Variants in ELOC observed in about 807,000 individuals in gnomAD.
ELOC encodes the protein elongin C.
For missense variants in ELOC, 38 were observed against 139.0 expected (o/e 0.27, Z 3.65); for synonymous variants, 40 against 51.3 (o/e 0.78, Z 0.94).
chr8:73,951,681 A>AAAC (rs1554594050), intron 3 of ELOC, among the ~76,000 whole-genome samples: 1 of 145,808 alleles, frequency 6.9e-6, no homozygotes, highest in African/African-American at 2.5e-5. Flanking sequence ...AACAACAACA[A>AAAC]AACAACAGAC....
chr8:73,960,073 C>CA (rs1249516606), intron 1 of ELOC, among the ~76,000 whole-genome samples: 1 of 152,080 alleles, frequency 6.6e-6, no homozygotes, highest in Non-Finnish European at 1.5e-5. Flanking sequence ...AACATATAAT[C>CA]ATTATAAATT....
intron 3 of ELOC, among the ~76,000 whole-genome samples, chr8:73,952,632 T>A (rs528725564): frequency 6.7e-6 from 1 of 150,030 alleles, no homozygotes; most frequent in Non-Finnish European, 1.5e-5. Context: ...TACAAAAAAA[T>A]TAGCTGGGTG....
chr8:73,958,141 G>A lies in ELOC; in HGVS notation c.4+1624C>T, dbSNP rs1237436804. Among the ~76,000 whole-genome samples, 2 of 149,178 alleles carry A rather than the reference G, an allele frequency of 1.3e-5. 1 individual carries two copies. The highest frequency in any genetic ancestry group is 1.3e-4 in the Admixed American group (2 of 14,862). On this transcript the variant is annotated intron_variant, in intron 2 of 3. Transcript: ENST00000520242. Reference sequence around the variant, plus strand: ...GACAGGGCCTTGCTCTGTTACCCAGGCTGGAGTGCAGTGGCGCAATCATGG... The same window carrying A: ...GACAGGGCCTTGCTCTGTTACCCAGACTGGAGTGCAGTGGCGCAATCATGG...
At chr8:73,950,597 T>C (rs1165800474) in intron 3 of ELOC, among the ~76,000 whole-genome samples, 1 of 152,146 alleles carries the variant, frequency 6.6e-6, no homozygotes, top group Non-Finnish European at 1.5e-5. Context: ...GAATGCTAAA[T>C]CATAGTGGGG....
rs1160708389 is a variant in ELOC, at chr8:73,946,127, CAT to C, written c.*501_*502del. On this transcript the variant is annotated 3_prime_UTR_variant, in exon 4 of 4. Transcript: ENST00000520242. ...AAGAATACTGCAGTTTATCAAAAGA[CAT>C]AAGAAATTTCAACTCATACTTGGAG... 2 of 152,188 alleles carry C rather than the reference CAT, an allele frequency of 1.3e-5. No homozygotes were observed. Among genetic ancestry groups the C allele is most frequent in the Non-Finnish European group, 2.9e-5 (2 of 68,082 alleles). 9.4% of individuals were successfully genotyped at this position (152,188 alleles called of 1,614,324 possible).
intron 3 of ELOC, among the ~76,000 whole-genome samples, chr8:73,949,132 C>A (rs556627840): frequency 1.3e-5 from 2 of 152,308 alleles, no homozygotes; most frequent in East Asian, 3.9e-4. Context: ...AAAGGCATTT[C>A]ACATCTACAA....
rs1185373389 is a variant in ELOC, at chr8:73,946,100, T to TA, written c.*529dup. 4 of 152,302 alleles carry TA rather than the reference T, an allele frequency of 2.6e-5. No homozygotes were observed. The highest frequency in any genetic ancestry group is 2.1e-4 in the South Asian group (1 of 4,816). 9.4% of individuals were successfully genotyped at this position (152,302 alleles called of 1,614,324 possible). A position where few individuals can be genotyped will look rare whatever the true frequency, so the allele number is the denominator to read the frequency against. ...AATAAACAAAAGGACAAAGTACACT[T>TA]AAAGAATACTGCAGTTTATCAAAAG... is the stretch of plus-strand genomic sequence containing the variant. On this transcript the variant is annotated 3_prime_UTR_variant, in exon 4 of 4. Coordinates refer to ENST00000520242, the MANE Select transcript of ELOC (RefSeq NM_005648.4).
At chr8:73,956,334 G>A (rs1446214307) in intron 2 of ELOC, among the ~76,000 whole-genome samples, 4 of 152,104 alleles carry the variant, frequency 2.6e-5, no homozygotes, top group Non-Finnish European at 4.4e-5. Context: ...GCAGTGAGCC[G>A]AGATCACGCC....
Position 73,946,593 on chromosome 8 carries a change from C to T in ELOC, c.*37G>A. On this transcript the variant is annotated 3_prime_UTR_variant, in exon 4 of 4. Transcript: ENST00000520242. ...CTAACTGAACTACAGGTATTAAATA[C>T]TGAAAAGAGTTAACAGTTTATTATA... 1.4e-6 allele frequency: 2 copies of T among 1,476,250 alleles called. No individual in the cohort carries two copies. The highest frequency in any genetic ancestry group is 1.8e-6 in the Non-Finnish European group (2 of 1,101,880). The allele number at this position is 1,476,250 out of a possible 1,614,324, so 91.4% of individuals were successfully genotyped here. A position where few individuals can be genotyped will look rare whatever the true frequency, so the allele number is the denominator to read the frequency against.
intron 2 of ELOC, among the ~76,000 whole-genome samples, chr8:73,956,674 A>G (rs72661850): frequency 0.23 from 35,478 of 152,154 alleles, 4,440 homozygotes; most frequent in Non-Finnish European, 0.29. Flanking sequence ...AAATATTTAA[A>G]TAGTATGACT....
chr8:73,969,667 G>A (rs560047321), intron 1 of ELOC: 1 of 152,272 alleles, frequency 6.6e-6, no homozygotes, highest in South Asian at 2.1e-4. Flanking sequence ...TTCCTTCCCT[G>A]ATGATCCTAC....
intron 3 of ELOC, among the ~76,000 whole-genome samples, chr8:73,948,925 G>GT (rs1418175838): frequency 3.3e-5 from 5 of 152,082 alleles, no homozygotes; most frequent in Admixed American, 6.6e-5. Context: ...TCCTCCTTTA[G>GT]TTTTTTTAAA....
chr8:73,971,032 C>CAAAAAAAA (rs67188912), intron 1 of ELOC, among the ~76,000 whole-genome samples: 33 of 62,016 alleles, frequency 5.3e-4, no homozygotes, highest in East Asian at 7.9e-4. Context: ...GACTCCGTCT[C>CAAAAAAAA]AAAAAAAAAA....
intron 3 of ELOC, among the ~76,000 whole-genome samples, chr8:73,954,913 A>G (rs1814048594): frequency 6.6e-6 from 1 of 150,750 alleles, no homozygotes; most frequent in African/African-American, 2.4e-5. Flanking sequence ...AGGTGCCTGT[A>G]ATCCCAGCTA....
chr8:73,947,131 G>A (rs1168685126), intron 3 of ELOC, among the ~76,000 whole-genome samples: 2 of 152,098 alleles, frequency 1.3e-5, no homozygotes, highest in South Asian at 2.1e-4. Flanking sequence ...TGGGATTACA[G>A]GTGTGCAGCA....
intron 1 of ELOC, among the ~76,000 whole-genome samples, chr8:73,964,311 G>C (rs988591556): frequency 1.3e-5 from 2 of 148,694 alleles, no homozygotes; most frequent in Admixed American, 1.3e-4. Flanking sequence ...GTGAGTCAAA[G>C]GTCAAAGCGT....
At chr8:73,963,270 G>A (rs1480461443) in intron 1 of ELOC, among the ~76,000 whole-genome samples, 1 of 152,028 alleles carries the variant, frequency 6.6e-6, no homozygotes, top group African/African-American at 2.4e-5. Flanking sequence ...TAAGATATTT[G>A]AATAGCTTAT....
chr8:73,953,725 A>G (rs1813941360), intron 3 of ELOC, among the ~76,000 whole-genome samples: 1 of 152,120 alleles, frequency 6.6e-6, no homozygotes, highest in Admixed American at 6.6e-5. Context: ...ACAAACTGGA[A>G]CCCTAGGACA....
chr8:73,964,093 CA>C (rs61094442), intron 1 of ELOC, among the ~76,000 whole-genome samples: 1 of 80,332 alleles, frequency 1.2e-5, no homozygotes, highest in African/African-American at 5.2e-5. Flanking sequence ...AATTCCGTCT[CA>C]AAAAAAAAAA....
Sources: gnomAD v4.1 joint callset for allele counts (sites outside exome capture counted in the v4.1 genomes callset) on GRCh38, gnomAD v4.1.1 for gene constraint, MANE v1.5 for transcripts, NCBI Gene and HGNC (gene_info 2026-07-23, HGNC 2026-07-21) for gene names.